Variants in RBMS3 observed in about 807,000 individuals in gnomAD.
The protein encoded by RBMS3 is RNA-binding motif, single-stranded-interacting protein 3.
A neutral mutation model predicts 66.8 loss-of-function variants in RBMS3; 27 were observed. That is an observed-to-expected ratio of 0.40 (90% CI 0.30 to 0.56). RBMS3 has a LOEUF of 0.56. Ranked by LOEUF, RBMS3 falls within the 20% of genes least tolerant of loss-of-function variation. The pLI is 0.40. For missense variants in RBMS3, 513 were observed against 549.5 expected, an observed-to-expected ratio of 0.93 and a Z score of 0.66; for synonymous variants, 188 against 183.0, an observed-to-expected ratio of 1.03 and a Z score of -0.22.
chr3:29,457,827 CTTTTTT>C (rs36020077), intron 2 of RBMS3, among the ~76,000 whole-genome samples: 1 of 140,832 alleles, frequency 7.1e-6, no homozygotes, highest in African/African-American at 2.6e-5. Flanking sequence ...TCAATTTGCA[CTTTTTT>C]TTTTTTTTTT....
At chr3:29,856,419 G>C (rs1577005780) in intron 6 of RBMS3, among the ~76,000 whole-genome samples, 1 of 151,482 alleles carries the variant, frequency 6.6e-6, no homozygotes, top group African/African-American at 2.4e-5. Flanking sequence ...AGCCCTTTTT[G>C]AGAAGTACTG....
rs1052456213 is a variant in RBMS3, at chr3:30,009,922, C to A, written c.*6060C>A. 7.3e-5 allele frequency: 11 copies of A among 151,410 alleles called. No homozygotes were observed. In the Admixed American group the frequency reaches 7.3e-4, roughly 10 times the overall value. The allele number at this position is 151,410 out of a possible 1,614,324, so 9.4% of individuals were successfully genotyped here. ...TAAGTTATTCCATGCTTTTCAGGAA[C>A]TGTAAAAATTATTTCAAAAAGATAT... On this transcript the variant is annotated 3_prime_UTR_variant, in exon 15 of 15. Coordinates refer to ENST00000383767, the MANE Select transcript of RBMS3 (RefSeq NM_001003793.3).
Position 29,804,920 on chromosome 3 carries a change from CGTGTGTGTGTGTGT to C in RBMS3, c.637+41955_637+41968del, listed in dbSNP as rs10576635. 9.3e-4 allele frequency among the ~76,000 whole-genome samples: 136 copies of C among 146,436 alleles called. 2 individuals carry two copies. The highest frequency in any genetic ancestry group is 2.1e-3 in the Admixed American group (30 of 14,578). On this transcript the variant is annotated intron_variant, in intron 6 of 14. Coordinates refer to ENST00000383767, the MANE Select transcript of RBMS3 (RefSeq NM_001003793.3). Reference sequence around the variant, plus strand: ...TTTCTGGGCAAAGAATCTGCGTGTACGTGTGTGTGTGTGTGTGTGTGTGTGTGTGTGTGTGTGGC... The same window carrying C: ...TTTCTGGGCAAAGAATCTGCGTGTACGTGTGTGTGTGTGTGTGTGTGTGGC...
chr3:29,455,792 A>C (rs1037037078), intron 2 of RBMS3, among the ~76,000 whole-genome samples: 2 of 151,494 alleles, frequency 1.3e-5, no homozygotes, highest in African/African-American at 4.9e-5. Flanking sequence ...CAGCAAAATC[A>C]CACACACGCA....
At chr3:29,594,147 A>G (rs1341492743) in intron 4 of RBMS3, among the ~76,000 whole-genome samples, 1 of 152,172 alleles carries the variant, frequency 6.6e-6, no homozygotes, top group Non-Finnish European at 1.5e-5. Flanking sequence ...TTTGGGTTTT[A>G]TTATTGTCTA....
At chr3:29,395,296 C>G (rs1222304936) in intron 1 of RBMS3, among the ~76,000 whole-genome samples, 1 of 152,130 alleles carries the variant, frequency 6.6e-6, no homozygotes, top group East Asian at 1.9e-4. Flanking sequence ...CTGACAATAC[C>G]CACAAGGATG....
chr3:29,303,077 A>G lies in RBMS3; in HGVS notation c.75+21321A>G, dbSNP rs9823058. On this transcript the variant is annotated intron_variant, in intron 1 of 14. Transcript: ENST00000383767. ...GAGCTAGAGAACAACATGACAGCCA[A>G]GTGGTGGACCCCTGAACAGCCAACA... is the stretch of plus-strand genomic sequence containing the variant. Among the ~76,000 whole-genome samples, 693 of 152,138 alleles carry G rather than the reference A, an allele frequency of 4.6e-3. 5 individuals are homozygous for G. The highest frequency in any genetic ancestry group is 0.016 in the African/African-American group (659 of 41,560).
chr3:29,991,315 C>A (rs1258844374), intron 14 of RBMS3, 106 bp downstream of exon 14: 4 of 1,533,688 alleles, frequency 2.6e-6, no homozygotes, highest in African/African-American at 1.4e-5. Flanking sequence ...CCATCCCAAA[C>A]TTAGCAACAG....
intron 4 of RBMS3, among the ~76,000 whole-genome samples, chr3:29,692,558 C>T (rs899717141): frequency 2.9e-4 from 44 of 152,154 alleles, no homozygotes; most frequent in African/African-American, 9.9e-4. Flanking sequence ...GTAAACGTTA[C>T]ATTAAGAGAC....
intron 4 of RBMS3, among the ~76,000 whole-genome samples, chr3:29,737,831 A>AGTGTGTGTGTGT (rs3070725): frequency 6.9e-6 from 1 of 145,758 alleles, no homozygotes; most frequent in African/African-American, 2.6e-5. Flanking sequence ...GTGATAGTGG[A>AGTGTGTGTGTGT]GTGTGTGTGT....
intron 4 of RBMS3, among the ~76,000 whole-genome samples, chr3:29,725,955 C>A (rs114072443): frequency 6.6e-6 from 1 of 152,042 alleles, no homozygotes; most frequent in East Asian, 1.9e-4. Context: ...TGCGAAAATC[C>A]TCAATAAAAT....
At chr3:29,518,353 G>T (rs2044722770) in intron 3 of RBMS3, among the ~76,000 whole-genome samples, 1 of 152,174 alleles carries the variant, frequency 6.6e-6, no homozygotes, top group East Asian at 1.9e-4. Flanking sequence ...TCATGTCATG[G>T]CATTGGGTAC....
chr3:29,327,086 G>A (rs1413400153), intron 1 of RBMS3, among the ~76,000 whole-genome samples: 1 of 152,110 alleles, frequency 6.6e-6, no homozygotes, highest in Non-Finnish European at 1.5e-5. Flanking sequence ...AAAAAAGGTA[G>A]GAGACTAATG....
chr3:30,000,105 G>A (rs141101342), intron 14 of RBMS3, among the ~76,000 whole-genome samples: 3,205 of 151,976 alleles, frequency 0.021, 49 homozygotes, highest in South Asian at 0.069. Flanking sequence ...GGGTGAACAG[G>A]CAACGTACAG....
At chr3:29,935,146 T>TA (rs1302728364) in intron 10 of RBMS3, among the ~76,000 whole-genome samples, 1 of 152,088 alleles carries the variant, frequency 6.6e-6, no homozygotes, top group Non-Finnish European at 1.5e-5. Context: ...TCAAGCTTTT[T>TA]AAGTTTGTTT....
At chr3:29,960,612 C>T (rs1400762585) in intron 12 of RBMS3, among the ~76,000 whole-genome samples, 1 of 152,208 alleles carries the variant, frequency 6.6e-6, no homozygotes, top group African/African-American at 2.4e-5. Flanking sequence ...TTCTCTGTCC[C>T]TGCAGCAAAC....
chr3:29,473,781 G>C (rs1035880664), intron 2 of RBMS3, among the ~76,000 whole-genome samples: 2 of 152,198 alleles, frequency 1.3e-5, no homozygotes, highest in Admixed American at 6.5e-5. Context: ...CGGCAGGGCC[G>C]GCCAGCCCCT....
At chr3:29,729,160 G>A (rs1448470375) in intron 4 of RBMS3, among the ~76,000 whole-genome samples, 2 of 78,792 alleles carry the variant, frequency 2.5e-5, no homozygotes, top group African/African-American at 1.0e-4. Context: ...CCCCCTGACA[G>A]GCCCCAGTGT....
intron 1 of RBMS3, among the ~76,000 whole-genome samples, chr3:29,422,608 T>C (rs2040798771): frequency 6.6e-6 from 1 of 152,076 alleles, no homozygotes; most frequent in South Asian, 2.1e-4. Context: ...ATAAAAATTA[T>C]AATAAATTTG....
Sources: gnomAD v4.1 joint callset for allele counts (sites outside exome capture counted in the v4.1 genomes callset) on GRCh38, gnomAD v4.1.1 for gene constraint, MANE v1.5 for transcripts, NCBI Gene and HGNC (gene_info 2026-07-23, HGNC 2026-07-21) for gene names.